VWA3A: variants seen among roughly 807,000 people sequenced by gnomAD.
VWA3A encodes the protein von Willebrand factor A domain containing 3A.
Under a neutral mutation model 160.4 loss-of-function variants are expected in VWA3A, and 134 were observed. The observed-to-expected ratio is 0.84, with a 90% CI of 0.73 to 0.96. The LOEUF (loss-of-function observed/expected upper bound fraction) is 0.96. VWA3A is among the 40% of genes least tolerant of loss of function. VWA3A has a pLI of 0.00. For synonymous variants in VWA3A, 476 were observed against 543.4 expected (o/e 0.88, Z 1.72); for missense variants, 1,310 against 1,447.9 (o/e 0.90, Z 1.55).
intron 11 of VWA3A, 59 bp from the exon 12 acceptor site, chr16:22,118,843 G>T (rs2045687432): frequency 6.2e-7 from 1 of 1,604,814 alleles, no homozygotes; most frequent in Non-Finnish European, 8.5e-7. Context: ...CCCTTCCTGG[G>T]TTGACCCCTG....
chr16:22,133,505 G>A (rs140621144), intron 20 of VWA3A, among the ~76,000 whole-genome samples: 2,111 of 151,992 alleles, frequency 0.014, 21 homozygotes, highest in Middle Eastern at 0.031. Flanking sequence ...AAAATTAGCC[G>A]GGTGTGATGG....
At chr16:22,125,251 T>C (rs1309218305) in intron 16 of VWA3A, among the ~76,000 whole-genome samples, 2 of 148,980 alleles carry the variant, frequency 1.3e-5, no homozygotes, top group African/African-American at 4.9e-5. Context: ...CCAGGCATGG[T>C]GATGTGTGCC....
Position 22,133,070 on chromosome 16 carries a change from C to G in VWA3A, c.2043C>G (p.Gly681=). ...AGGAGGTCACCCGGGCTGCAGGTGG[C>G]CGCTTCCACTGGTTTGGAGACACAG... ...AYKEVTRAAG[G]RFHWFGDTGI... is the part of the protein sequence containing the mutation. The change falls in exon 20 of 34, where the codon GGC becomes GGG. Residue 681 remains glycine (G), a synonymous_variant. Coordinates refer to ENST00000389398, the MANE Select transcript of VWA3A (RefSeq NM_173615.5). The G allele has an allele frequency of 6.2e-7, 1 of 1,613,310 alleles. No individual in the cohort carries two copies. Among genetic ancestry groups the G allele is most frequent in the Non-Finnish European group, 8.5e-7 (1 of 1,179,642 alleles).
chr16:22,123,732 AT>A lies in VWA3A; in HGVS notation c.1532+26del, dbSNP rs554339249. On this transcript the variant is annotated intron_variant, in intron 16 of 33. Coordinates refer to ENST00000389398, the MANE Select transcript of VWA3A (RefSeq NM_173615.5). ...GGTACCTTTCTTAAGCAGGGTTCTT[AT>A]CCTTCATGGGTCTGGTGTGTGACGT... The A allele has an allele frequency of 2.3e-4, 376 of 1,601,702 alleles. No individual in the cohort carries two copies. In the African/African-American group the frequency reaches 4.6e-3, roughly 19 times the overall value.
intron 3 of VWA3A, among the ~76,000 whole-genome samples, chr16:22,099,910 A>G (rs1330128142): frequency 6.6e-6 from 1 of 152,182 alleles, no homozygotes; most frequent in East Asian, 1.9e-4. Flanking sequence ...CCCTGTCTCT[A>G]CTAAAAATAC....
intron 26 of VWA3A, 29 bp downstream of exon 26, chr16:22,144,413 T>C: frequency 1.9e-6 from 3 of 1,609,380 alleles, no homozygotes; most frequent in Non-Finnish European, 2.5e-6. Flanking sequence ...CATCGTCTTT[T>C]TTTTCTCCCC....
intron 1 of VWA3A, among the ~76,000 whole-genome samples, chr16:22,094,151 C>G (rs952833790): frequency 6.6e-6 from 1 of 152,076 alleles, no homozygotes; most frequent in Non-Finnish European, 1.5e-5. Context: ...CTGCACCAGT[C>G]ACCCCAGAAT....
At position 22,150,718 on chromosome 16, in the gene VWA3A, G is replaced by A; in HGVS notation, c.3153G>A (p.Leu1051=). The part of the protein sequence containing the change: ...ALLKAFSFHD[L]EGLYLLTDGK... ...AGAAAGCTTTCAGTTTCCATGATCT[G>A]GAAGGATTGTACCTCCTGACCGACG... The change falls in exon 30 of 34, where the codon CTG becomes CTA. Residue 1051 remains leucine (L), a synonymous_variant. Coordinates refer to ENST00000389398, the MANE Select transcript of VWA3A (RefSeq NM_173615.5). The A allele has an allele frequency of 6.2e-7, 1 of 1,610,564 alleles. No homozygotes were observed. Among genetic ancestry groups the A allele is most frequent in the Non-Finnish European group, 8.5e-7 (1 of 1,178,392 alleles).
chr16:22,137,258 T>G (rs1267415607), intron 21 of VWA3A, among the ~76,000 whole-genome samples: 1 of 152,170 alleles, frequency 6.6e-6, no homozygotes, highest in African/African-American at 2.4e-5. Flanking sequence ...TCTGGAGCTT[T>G]GATTGAGAAT....
At chr16:22,127,665 A>T (rs2045874657) in intron 17 of VWA3A, among the ~76,000 whole-genome samples, 1 of 152,100 alleles carries the variant, frequency 6.6e-6, no homozygotes. Flanking sequence ...AAGGAATTTT[A>T]TTTATTTATT....
At chr16:22,102,834 C>A (rs562915583) in intron 5 of VWA3A, among the ~76,000 whole-genome samples, 1 of 152,264 alleles carries the variant, frequency 6.6e-6, no homozygotes, top group East Asian at 1.9e-4. Flanking sequence ...GACCTGCCCT[C>A]ACCGGGCAGA....
intron 16 of VWA3A, among the ~76,000 whole-genome samples, chr16:22,125,758 T>A (rs934025083): frequency 1.4e-4 from 22 of 152,052 alleles, no homozygotes; most frequent in African/African-American, 4.6e-4. Flanking sequence ...TTATGATGAG[T>A]CTTACAAGTA....
At position 22,120,962 on chromosome 16, in the gene VWA3A, A is replaced by T; in HGVS notation, c.1117-6A>T. 1 of 1,613,928 alleles carries T rather than the reference A, an allele frequency of 6.2e-7. No homozygotes were observed. The highest frequency in any genetic ancestry group is 1.1e-5 in the South Asian group (1 of 91,074). On this transcript the variant is annotated splice_region_variant and splice_polypyrimidine_tract_variant and intron_variant, in intron 12 of 33. Coordinates refer to ENST00000389398, the MANE Select transcript of VWA3A (RefSeq NM_173615.5). ...TATGTAATGAGGGCTTTCTCATTTA[A>T]CTTAGATTTCCACAGAGATTACAAA...
chr16:22,138,826 T>C (rs545494386), intron 22 of VWA3A, among the ~76,000 whole-genome samples: 1 of 152,142 alleles, frequency 6.6e-6, no homozygotes, highest in African/African-American at 2.4e-5. Flanking sequence ...TGGCTTATCC[T>C]GGAGAGTCTC....
chr16:22,129,821 C>T (rs1318234298), intron 17 of VWA3A, among the ~76,000 whole-genome samples: 1 of 152,052 alleles, frequency 6.6e-6, no homozygotes, highest in Non-Finnish European at 1.5e-5. Context: ...AAGAAGAACC[C>T]AGAGAGGTGG....
rs753223527 is a variant in VWA3A, at chr16:22,146,352, T to C, written c.2839+8T>C. 2.5e-6 allele frequency: 4 copies of C among 1,610,240 alleles called. No individual in the cohort carries two copies. Among genetic ancestry groups the C allele is most frequent in the Non-Finnish European group, 3.4e-6 (4 of 1,177,518 alleles). ...TGCAGTGGCTGCTGTCCGGTGAGCC[T>C]GCCCACTGCCCTGAAGGGTGGAGGA... On this transcript the variant is annotated splice_region_variant and intron_variant, in intron 27 of 33. Coordinates refer to ENST00000389398, the MANE Select transcript of VWA3A (RefSeq NM_173615.5).
intron 1 of VWA3A, 58 bp from the exon 2 acceptor site, chr16:22,096,800 CA>C: frequency 1.7e-6 from 2 of 1,164,436 alleles, no homozygotes; most frequent in Non-Finnish European, 2.5e-6. Context: ...AGATACCCCC[CA>C]AAACTATTGT....
intron 5 of VWA3A, among the ~76,000 whole-genome samples, chr16:22,101,493 A>G (rs2045407407): frequency 6.6e-6 from 1 of 152,188 alleles, no homozygotes; most frequent in Non-Finnish European, 1.5e-5. Flanking sequence ...TTACAGAAGA[A>G]AGAGGTTTAA....
chr16:22,138,867 G>T (rs1015125708), intron 22 of VWA3A, among the ~76,000 whole-genome samples: 1 of 152,038 alleles, frequency 6.6e-6, no homozygotes, highest in African/African-American at 2.4e-5. Flanking sequence ...GTCTCTAAGG[G>T]CTCTTCCCGC....
Sources: gnomAD v4.1 joint callset for allele counts (sites outside exome capture counted in the v4.1 genomes callset) on GRCh38, gnomAD v4.1.1 for gene constraint, MANE v1.5 for transcripts, NCBI Gene and HGNC (gene_info 2026-07-23, HGNC 2026-07-21) for gene names.